PRKCA: variants seen among roughly 807,000 people sequenced by gnomAD.
The protein encoded by PRKCA is protein kinase C alpha.
PRKCA carries 27 observed loss-of-function variants against 87.0 expected under a neutral mutation model. That is an observed-to-expected ratio of 0.31 (90% CI 0.23 to 0.43). PRKCA has a LOEUF of 0.43. Ranked by LOEUF, PRKCA falls within the 20% of genes least tolerant of loss-of-function variation. PRKCA has a pLI of 1.00. For missense variants in PRKCA, 518 were observed against 852.3 expected (o/e 0.61, Z 4.88); for synonymous variants, 329 against 311.1 (o/e 1.06, Z -0.61).
At chr17:66,674,324 G>T (rs1051059557) in intron 5 of PRKCA, among the ~76,000 whole-genome samples, 3 of 152,216 alleles carry the variant, frequency 2.0e-5, no homozygotes, top group Non-Finnish European at 2.9e-5. Flanking sequence ...CGATGGGGCA[G>T]TGTGGACCCA....
chr17:66,424,851 G>A (rs1326661308), intron 2 of PRKCA, among the ~76,000 whole-genome samples: 2 of 151,092 alleles, frequency 1.3e-5, no homozygotes, highest in African/African-American at 4.9e-5. Context: ...CCGGGCTCAA[G>A]CGATTCTCCC....
intron 3 of PRKCA, among the ~76,000 whole-genome samples, chr17:66,502,395 C>T (rs769640144): frequency 5.9e-5 from 9 of 152,016 alleles, no homozygotes; most frequent in East Asian, 1.9e-4. Flanking sequence ...CCACCACACT[C>T]GGCTAATTTT....
At chr17:66,556,323 C>CTTTTTTTTTTTTTTTTTTT (rs61549626) in intron 3 of PRKCA, among the ~76,000 whole-genome samples, 1 of 129,006 alleles carries the variant, frequency 7.8e-6, no homozygotes, top group Non-Finnish European at 1.6e-5. Flanking sequence ...CTTTCTTCTT[C>CTTTTTTTTTTTTTTTTTTT]TTTTTTTTTT....
chr17:66,446,376 A>C (rs1189751230), intron 2 of PRKCA, among the ~76,000 whole-genome samples: 1 of 152,106 alleles, frequency 6.6e-6, no homozygotes, highest in Non-Finnish European at 1.5e-5. Flanking sequence ...CAGCACCCCC[A>C]TTCACCTTCT....
chr17:66,622,853 C>T (rs7222284), intron 3 of PRKCA, among the ~76,000 whole-genome samples: 23,874 of 152,200 alleles, frequency 0.16, 3,032 homozygotes, highest in African/African-American at 0.35. Context: ...AAGAACAGTA[C>T]GGGGGAACCG....
chr17:66,480,591 T>A (rs1450246615), intron 2 of PRKCA, among the ~76,000 whole-genome samples: 2 of 152,200 alleles, frequency 1.3e-5, no homozygotes, highest in Non-Finnish European at 2.9e-5. Context: ...GGCCTCAGAT[T>A]TCAGAAGAAA....
chr17:66,482,119 A>G (rs949833505), intron 2 of PRKCA, among the ~76,000 whole-genome samples: 1 of 142,444 alleles, frequency 7.0e-6, no homozygotes, highest in East Asian at 2.0e-4. Flanking sequence ...AAAAAAAAAG[A>G]AAAAAAGAAA....
intron 2 of PRKCA, among the ~76,000 whole-genome samples, chr17:66,377,506 T>C (rs1909493098): frequency 6.7e-6 from 1 of 148,676 alleles, no homozygotes; most frequent in South Asian, 2.1e-4. Context: ...TATACATGTA[T>C]ATACGTATAT....
chr17:66,356,818 G>T (rs556041029), intron 2 of PRKCA, among the ~76,000 whole-genome samples: 7 of 152,134 alleles, frequency 4.6e-5, no homozygotes, highest in Admixed American at 1.3e-4. Context: ...GGAGTGGTGT[G>T]ATTTCAGCTC....
chr17:66,468,826 C>G (rs1229348088), intron 2 of PRKCA, among the ~76,000 whole-genome samples: 1 of 152,190 alleles, frequency 6.6e-6, no homozygotes, highest in Non-Finnish European at 1.5e-5. Flanking sequence ...ACCACTTCCT[C>G]TCACCTCCAG....
chr17:66,734,874 A>G (rs1285153916), intron 9 of PRKCA, among the ~76,000 whole-genome samples: 1 of 126,148 alleles, frequency 7.9e-6, no homozygotes, highest in Non-Finnish European at 1.7e-5. Context: ...AACTGCATCC[A>G]AAAAGCTATA....
At position 66,723,168 on chromosome 17, in the gene PRKCA, G is replaced by GT. The variant is rs1973656424; in HGVS notation, c.919-9517dup. ...CCTCACACATCTCTGCAGGTCACAG[G>GT]TTTCTGGTCTGTGAGTTAGCCCACA... On this transcript the variant is annotated intron_variant, in intron 8 of 16. Coordinates refer to ENST00000413366, the MANE Select transcript of PRKCA (RefSeq NM_002737.3). Among the ~76,000 whole-genome samples, 4 of 152,002 alleles carry GT rather than the reference G, an allele frequency of 2.6e-5. No individual in the cohort carries two copies. The South Asian group carries it at 8.3e-4, about 32-fold the overall frequency.
chr17:66,777,128 C>T (rs1201698248), intron 14 of PRKCA: 5 of 719,104 alleles, frequency 7.0e-6, no homozygotes, highest in South Asian at 6.3e-5. Flanking sequence ...ACCTGATGGT[C>T]GCCTGACATT....
chr17:66,602,897 C>T (rs1236139549), intron 3 of PRKCA, among the ~76,000 whole-genome samples: 14 of 152,126 alleles, frequency 9.2e-5, no homozygotes, highest in Non-Finnish European at 7.4e-5. Flanking sequence ...TCTCCTCTTC[C>T]GGGGCGGTAA....
In PRKCA at chr17:66,792,225, G is replaced by A. The variant is rs987733660; in HGVS notation, c.1854+3246G>A. ...ACAGGTAGCTGTTCTCACGTGCGGT[G>A]ATGCTCCTGGCTCCCATGGAATTAA... On this transcript the variant is annotated intron_variant, in intron 16 of 16. Coordinates refer to ENST00000413366, the MANE Select transcript of PRKCA (RefSeq NM_002737.3). The surrounding 1 kb of genome is among the most constrained non-coding windows in gnomAD (Gnocchi z 4.5). 2.0e-5 allele frequency among the ~76,000 whole-genome samples: 3 copies of A among 152,164 alleles called. No homozygotes were observed. Among genetic ancestry groups the A allele is most frequent in the African/African-American group, 7.2e-5 (3 of 41,450 alleles).
intron 2 of PRKCA, among the ~76,000 whole-genome samples, chr17:66,437,731 T>TTTTTTTTTTTTTGTGG (rs55779501): frequency 1.8e-4 from 2 of 11,142 alleles, no homozygotes; most frequent in Admixed American, 1.4e-3. Context: ...TTTTTTTTTT[T>TTTTTTTTTTTTTGTGG]GAGCGGGGGG....
At chr17:66,518,319 T>G (rs74525437) in intron 3 of PRKCA, among the ~76,000 whole-genome samples, 78 of 152,290 alleles carry the variant, frequency 5.1e-4, no homozygotes, top group Middle Eastern at 3.4e-3. Flanking sequence ...ATATGTGATT[T>G]GCTTATACCA....
At chr17:66,667,344 A>G (rs556751931) in intron 5 of PRKCA, among the ~76,000 whole-genome samples, 2 of 152,334 alleles carry the variant, frequency 1.3e-5, no homozygotes, top group Non-Finnish European at 2.9e-5. Flanking sequence ...AGACTGGGTA[A>G]TTTATCAAGG....
chr17:66,728,036 G>A (rs1481635313), intron 8 of PRKCA, among the ~76,000 whole-genome samples: 3 of 152,182 alleles, frequency 2.0e-5, no homozygotes, highest in African/African-American at 4.8e-5. Flanking sequence ...TGAGGTTGCC[G>A]TACCGTGGAG....
Sources: allele counts gnomAD v4.1 joint callset (sites outside exome capture counted in the v4.1 genomes callset), GRCh38; gene constraint gnomAD v4.1.1; non-coding constraint Gnocchi (gnomAD v3.1); transcripts MANE v1.5; gene names NCBI Gene and HGNC (gene_info 2026-07-23, HGNC 2026-07-21).